WDR59: variants seen among roughly 807,000 people sequenced by gnomAD.
WDR59 encodes GATOR2 complex protein WDR59.
A neutral mutation model predicts 131.2 loss-of-function variants in WDR59; 100 were observed. The observed-to-expected ratio is 0.76, with a 90% CI of 0.65 to 0.90. The LOEUF is 0.90. Ranked by LOEUF, WDR59 falls within the 40% of genes least tolerant of loss-of-function variation. WDR59 has a pLI of 0.00. For missense variants in WDR59, 1,203 were observed against 1,262.2 expected, an observed-to-expected ratio of 0.95 and a Z score of 0.71; for synonymous variants, 601 against 466.2, an observed-to-expected ratio of 1.29 and a Z score of -3.72.
rs746298290 is a variant in WDR59, at chr16:74,887,732, G to A, written c.2370C>T (p.Ser790=). 5.6e-6 allele frequency: 9 copies of A among 1,614,010 alleles called. No individual in the cohort carries two copies. The highest frequency in any genetic ancestry group is 7.6e-6 in the Non-Finnish European group (9 of 1,180,012). ...SRYPSFTSSG[S]CSSMSDPGLN... is the part of the protein sequence containing the mutation. ...GCCCTGGGTCTGACATACTGGAGCA[G>A]GAACCAGAAGAGGTAAAGCTAGGCT... Residue 790 remains serine (S), a synonymous_variant, in exon 23 of 26, where the codon TCC becomes TCT. Transcript: ENST00000262144.
At chr16:74,935,385 T>C (rs948514143) in intron 8 of WDR59, among the ~76,000 whole-genome samples, 3 of 152,174 alleles carry the variant, frequency 2.0e-5, no homozygotes, top group African/African-American at 7.2e-5. Flanking sequence ...TTGTAGTTAA[T>C]GTTCTATTTC....
chr16:74,874,406 G>C lies in WDR59; in HGVS notation c.2728C>G (p.Arg910Gly). The part of the protein sequence containing the change: ...VYCSHCRSEV[R>G]GTQCAICKGF... The stretch of plus-strand genomic sequence containing the variant: ...TTGCAGATGGCACACTGCGTGCCAC[G>C]GACCTCACTCCGGCAGTGGCTGCAG... Residue 910 changes from arginine (R) to glycine (G), a missense_variant, in exon 26 of 26, where the codon CGT (arginine) becomes GGT (glycine). By Grantham distance (125) the Arg-to-Gly change is moderately radical. Transcript: ENST00000262144. The C allele has an allele frequency of 6.2e-7, 1 of 1,614,076 alleles. No homozygotes were observed. The highest frequency in any genetic ancestry group is 8.5e-7 in the Non-Finnish European group (1 of 1,180,030).
intron 1 of WDR59, among the ~76,000 whole-genome samples, chr16:74,967,369 A>G (rs960296396): frequency 1.3e-5 from 2 of 152,178 alleles, no homozygotes; most frequent in Non-Finnish European, 2.9e-5. Context: ...GAGGAGGGCA[A>G]GATGGTTCCT....
chr16:74,897,327 G>T (rs1339885006), intron 18 of WDR59, among the ~76,000 whole-genome samples: 2 of 152,184 alleles, frequency 1.3e-5, no homozygotes, highest in Non-Finnish European at 2.9e-5. Flanking sequence ...AGGCTTTGGG[G>T]TTTGTTAGGA....
intron 8 of WDR59, among the ~76,000 whole-genome samples, 163 bp downstream of exon 8, chr16:74,937,987 T>G (rs1226287744): frequency 6.6e-6 from 1 of 152,250 alleles, no homozygotes; most frequent in African/African-American, 2.4e-5. Flanking sequence ...CGCATTTTGC[T>G]GGTCAGCATA....
At chr16:74,882,192 A>G (rs72796699) in intron 25 of WDR59, among the ~76,000 whole-genome samples, 9,397 of 152,284 alleles carry the variant, frequency 0.062, 355 homozygotes, top group South Asian at 0.092. Flanking sequence ...GGTTTGATAC[A>G]TGAGCTCTGT....
chr16:74,956,744 T>A, intron 2 of WDR59, 134 bp from the exon 3 acceptor site: 1 of 1,136,164 alleles, frequency 8.8e-7, no homozygotes, highest in East Asian at 2.5e-5. Context: ...GGCATTTATT[T>A]ACTCTGAAAG....
chr16:74,888,645 A>C (rs1042809345), intron 21 of WDR59, among the ~76,000 whole-genome samples: 1 of 152,224 alleles, frequency 6.6e-6, no homozygotes, highest in Non-Finnish European at 1.5e-5. Flanking sequence ...CTGACATCTG[A>C]GCGAGCCAAT....
At chr16:74,958,195 T>C (rs978142606) in intron 2 of WDR59, among the ~76,000 whole-genome samples, 19 of 151,948 alleles carry the variant, frequency 1.3e-4, no homozygotes, top group African/African-American at 4.1e-4. Context: ...TTTTCCCCAA[T>C]GCTCCACTAT....
At position 74,980,142 on chromosome 16, in the gene WDR59, A is replaced by G. The variant is rs555468049; in HGVS notation, c.54+4822T>C. Among the ~76,000 whole-genome samples, 6 of 151,876 alleles carry G rather than the reference A, an allele frequency of 4.0e-5. No individual in the cohort carries two copies. The South Asian group carries it at 1.2e-3, about 32-fold the overall frequency. On this transcript the variant is annotated intron_variant, in intron 1 of 25. Coordinates refer to ENST00000262144, the MANE Select transcript of WDR59 (RefSeq NM_030581.4). ...CCAAAGTGCTGGAGTTATACGCGTG[A>G]GCCACCATGCCTGGCCTAAGTTTTC... is the stretch of plus-strand genomic sequence containing the variant.
intron 18 of WDR59, among the ~76,000 whole-genome samples, chr16:74,897,522 A>C (rs954310033): frequency 3.2e-4 from 49 of 152,304 alleles, no homozygotes; most frequent in African/African-American, 1.2e-3. Context: ...GAATTATGAA[A>C]ATCACAGTCT....
Position 74,872,805 on chromosome 16 carries a change from C to T in WDR59, c.*1404G>A, listed in dbSNP as rs928872354. ...CTGGAGTGCAGCGGTGCAATCAAGG[C>T]TCACTGCAGCCTCAACCTCCTGGAC... On this transcript the variant is annotated 3_prime_UTR_variant, in exon 26 of 26. Transcript: ENST00000262144. 1 of 152,162 alleles carries T rather than the reference C, an allele frequency of 6.6e-6. No homozygotes were observed. The highest frequency in any genetic ancestry group is 2.4e-5 in the African/African-American group (1 of 41,384). 9.4% of individuals were successfully genotyped at this position (152,162 alleles called of 1,614,324 possible).
intron 3 of WDR59, among the ~76,000 whole-genome samples, chr16:74,956,166 G>A (rs1470024884): frequency 6.6e-6 from 1 of 152,094 alleles, no homozygotes; most frequent in African/African-American, 2.4e-5. Flanking sequence ...CCATTTGTCC[G>A]CTGGCTAGTT....
intron 18 of WDR59, chr16:74,899,784 A>G: frequency 2.3e-6 from 3 of 1,285,368 alleles, no homozygotes; most frequent in Non-Finnish European, 2.0e-6. Context: ...ACCCAGGAGG[A>G]GGGAAGAAAA....
At chr16:74,907,499 T>C (rs1965874457) in intron 17 of WDR59, among the ~76,000 whole-genome samples, 1 of 152,212 alleles carries the variant, frequency 6.6e-6, no homozygotes, top group Non-Finnish European at 1.5e-5. Context: ...CCTCTTCTCC[T>C]TCCAACACGA....
intron 1 of WDR59, among the ~76,000 whole-genome samples, chr16:74,977,483 T>C (rs113137089): frequency 0.023 from 3,552 of 151,742 alleles, 151 homozygotes; most frequent in African/African-American, 0.082. Flanking sequence ...TGTCAGGAGA[T>C]CGAGACCATC....
chr16:74,912,014 C>T, intron 14 of WDR59, 184 bp downstream of exon 14: 3 of 736,324 alleles, frequency 4.1e-6, no homozygotes, highest in African/African-American at 1.8e-5. Flanking sequence ...AGGTTAAGAA[C>T]CACTGCTCTG....
chr16:74,955,946 T>C (rs969170044), intron 3 of WDR59, among the ~76,000 whole-genome samples: 1 of 151,974 alleles, frequency 6.6e-6, no homozygotes, highest in Non-Finnish European at 1.5e-5. Flanking sequence ...AACTTATACA[T>C]GTTTTCCCTA....
chr16:74,984,786 C>T (rs2034558425), intron 1 of WDR59, 178 bp downstream of exon 1: 2 of 813,504 alleles, frequency 2.5e-6, no homozygotes, highest in Admixed American at 2.8e-5. Context: ...GCCCCGATTG[C>T]CCCCGATGGT....
Sources: gnomAD v4.1 joint callset for allele counts (sites outside exome capture counted in the v4.1 genomes callset) on GRCh38, gnomAD v4.1.1 for gene constraint, MANE v1.5 for transcripts, NCBI Gene and HGNC (gene_info 2026-07-23, HGNC 2026-07-21) for gene names.